The following PANK4 variants were observed in gnomAD, a reference collection of about 807,000 sequenced individuals.
The protein encoded by PANK4 is 4'-phosphopantetheine phosphatase.
In PANK4, 40 loss-of-function variants were observed where a neutral mutation model predicts 87.9. The ratio of observed to expected loss-of-function variants is 0.46; its 90% CI spans 0.35 to 0.59. The LOEUF is 0.59. Among genes scored for constraint, PANK4 ranks in the 20% least tolerant of loss-of-function variants. The pLI is 0.00. For synonymous variants in PANK4, 524 were observed against 467.4 expected (o/e 1.12, Z -1.56); for missense variants, 926 against 1,072.3 (o/e 0.86, Z 1.90).
intron 1 of PANK4, among the ~76,000 whole-genome samples, chr1:2,524,077 C>T (rs1312980454): frequency 1.3e-5 from 2 of 152,256 alleles, no homozygotes; most frequent in African/African-American, 2.4e-5. Flanking sequence ...ACACCACCGC[C>T]CCGTGGCCCC....
At position 2,520,584 on chromosome 1, in the gene PANK4, T is replaced by C; in HGVS notation, c.606+139A>G. Reference sequence around the variant, plus strand: ...GCGCTGATGCCCCTCCCACAGAGGCTCTGAGCTCACAGCCTCGCCACCCCC... The same window carrying C: ...GCGCTGATGCCCCTCCCACAGAGGCCCTGAGCTCACAGCCTCGCCACCCCC... On this transcript the variant is annotated intron_variant, in intron 4 of 18. Transcript: ENST00000378466. The surrounding 1 kb of genome is among the most constrained non-coding windows in gnomAD (Gnocchi z 6.2). 1 of 1,006,094 alleles carries C rather than the reference T, an allele frequency of 9.9e-7. No individual in the cohort carries two copies. The highest frequency in any genetic ancestry group is 1.5e-6 in the Non-Finnish European group (1 of 671,448). The allele number at this position is 1,006,094 out of a possible 1,614,324, so 62.3% of individuals were successfully genotyped here.
At position 2,526,458 on chromosome 1, in the gene PANK4, G is replaced by T. The variant is rs750554352; in HGVS notation, c.124+6C>A. Reference sequence around the variant, plus strand: ...AGCCCGCGCCCGGCGCCCGGCCTGCGGCTACCTATGTCGATGGCGAAGCGC... The same window carrying T: ...AGCCCGCGCCCGGCGCCCGGCCTGCTGCTACCTATGTCGATGGCGAAGCGC... On this transcript the variant is annotated splice_donor_region_variant and intron_variant, in intron 1 of 18. Transcript: ENST00000378466. 1.1e-5 allele frequency: 16 copies of T among 1,476,678 alleles called. No individual in the cohort carries two copies. Among genetic ancestry groups the T allele is most frequent in the Non-Finnish European group, 1.4e-5 (16 of 1,105,542 alleles). The allele number at this position is 1,476,678 out of a possible 1,614,324, so 91.5% of individuals were successfully genotyped here.
At chr1:2,514,568 G>A (rs1299258820) in intron 10 of PANK4, 102 bp from the exon 11 acceptor site, 2 of 685,258 alleles carry the variant, frequency 2.9e-6, no homozygotes, top group African/African-American at 3.8e-5. Context: ...GGTCGGCCGT[G>A]GGGGACTGTC....
At position 2,520,309 on chromosome 1, in the gene PANK4, A is replaced by G. The variant is rs1643864048; in HGVS notation, c.699+13T>C. 1 of 1,610,950 alleles carries G rather than the reference A, an allele frequency of 6.2e-7. No individual in the cohort carries two copies. The highest frequency in any genetic ancestry group is 8.5e-7 in the Non-Finnish European group (1 of 1,178,196). ...CGCAGACCCCTGGAAGGTCTCTGGC[A>G]GCTGCCGCATACCTTCGTTTTGGTG... On this transcript the variant is annotated intron_variant, in intron 5 of 18. Transcript: ENST00000378466. This position sits in a 1 kb window ranked among gnomAD's most constrained non-coding sequence, Gnocchi z 6.2.
intron 12 of PANK4, 149 bp downstream of exon 12, chr1:2,513,850 TGTG>T: frequency 1.4e-6 from 1 of 718,418 alleles, no homozygotes; most frequent in Non-Finnish European, 2.6e-6. Flanking sequence ...CCCTGGCTAT[TGTG>T]GTGCCAGGGC....
At position 2,513,979 on chromosome 1, in the gene PANK4, A is replaced by C. The variant is rs1643711890; in HGVS notation, c.1575+23T>G. 20 of 1,558,924 alleles carry C rather than the reference A, an allele frequency of 1.3e-5. No individual in the cohort carries two copies. The East Asian group carries it at 4.5e-4, about 35-fold the overall frequency. On this transcript the variant is annotated intron_variant, in intron 12 of 18. Transcript: ENST00000378466. ...CGGGACGGGGACAAGAGCGAGCGGAAGGCCAGGGCACACTGCACTTACTTT... is the reference window on the plus strand; with the variant it reads ...CGGGACGGGGACAAGAGCGAGCGGACGGCCAGGGCACACTGCACTTACTTT...
intron 7 of PANK4, 69 bp from the exon 8 acceptor site, chr1:2,518,666 C>G: frequency 7.6e-7 from 1 of 1,323,524 alleles, no homozygotes; most frequent in Non-Finnish European, 1.1e-6. Flanking sequence ...CAAACCAGCT[C>G]AACGTGCGCG....
Position 2,510,408 on chromosome 1 carries a change from G to T in PANK4, c.1939-251C>A. 1 of 598,882 alleles carries T rather than the reference G, an allele frequency of 1.7e-6. No individual in the cohort carries two copies. The highest frequency in any genetic ancestry group is 3.0e-6 in the Non-Finnish European group (1 of 336,282). 37.1% of individuals were successfully genotyped at this position (598,882 alleles called of 1,614,324 possible). ...GGACCTGCCTGTCTGTGAAGTCACA[G>T]CCCCAAAGCCTCCTTGCTGTGAGCA... On this transcript the variant is annotated intron_variant, in intron 16 of 18. Coordinates refer to ENST00000378466, the MANE Select transcript of PANK4 (RefSeq NM_018216.4). The surrounding 1 kb of genome is among the most constrained non-coding windows in gnomAD (Gnocchi z 4.9).
At position 2,515,648 on chromosome 1, in the gene PANK4, A is replaced by G; in HGVS notation, c.1288T>C (p.Ser430Pro). 6.2e-7 allele frequency: 1 copy of G among 1,613,180 alleles called. No homozygotes were observed. The highest frequency in any genetic ancestry group is 8.5e-7 in the Non-Finnish European group (1 of 1,179,926). The change falls in exon 10 of 19, where the codon TCC becomes CCC. Residue 430 changes from serine to proline, a missense_variant. Physicochemically the swap from Ser to Pro is moderately conservative, Grantham distance 74 (BLOSUM62 -1). Coordinates refer to ENST00000378466, the MANE Select transcript of PANK4 (RefSeq NM_018216.4). This position sits in a 1 kb window ranked among gnomAD's most constrained non-coding sequence, Gnocchi z 5.0. ...VDLPLLLDPP[S>P]YVPDTVDLTD... is the part of the protein sequence containing the mutation. ...AGGTCCACCGTGTCGGGCACGTAGG[A>G]GGGCGGGTCCAGGAGGAGCGGCAGG...
chr1:2,519,780 G>C lies in PANK4; in HGVS notation c.853+21C>G. 1 of 1,556,540 alleles carries C rather than the reference G, an allele frequency of 6.4e-7. No individual in the cohort carries two copies. The highest frequency in any genetic ancestry group is 8.7e-7 in the Non-Finnish European group (1 of 1,151,592). On this transcript the variant is annotated intron_variant, in intron 6 of 18. Coordinates refer to ENST00000378466, the MANE Select transcript of PANK4 (RefSeq NM_018216.4). This position sits in a 1 kb window ranked among gnomAD's most constrained non-coding sequence, Gnocchi z 8.3. ...TGTCCCCACCATCCTGCTCTCTGGCGGCAGAGGCCGGGGTGAGCACCTTGG... is the reference window on the plus strand; with the variant it reads ...TGTCCCCACCATCCTGCTCTCTGGCCGCAGAGGCCGGGGTGAGCACCTTGG...
Position 2,519,546 on chromosome 1 carries a change from T to C in PANK4, c.854-222A>G, listed in dbSNP as rs1643848328. Among the ~76,000 whole-genome samples the C allele has an allele frequency of 6.6e-6, 1 of 152,164 alleles. No individual in the cohort carries two copies. The highest frequency in any genetic ancestry group is 1.5e-5 in the Non-Finnish European group (1 of 68,030). ...ATTCCTGGACGGATTAAGCTTTGTT[T>C]TGAAGGAGGAAAAAACCCAATCAGG... On this transcript the variant is annotated intron_variant, in intron 6 of 18. Transcript: ENST00000378466. The surrounding 1 kb of genome is among the most constrained non-coding windows in gnomAD (Gnocchi z 8.3).
In PANK4 at chr1:2,515,161, G is replaced by C; in HGVS notation, c.1374+401C>G. On this transcript the variant is annotated intron_variant, in intron 10 of 18. Coordinates refer to ENST00000378466, the MANE Select transcript of PANK4 (RefSeq NM_018216.4). This position sits in a 1 kb window ranked among gnomAD's most constrained non-coding sequence, Gnocchi z 5.0. ...CAGCCTTGGAGAAGGTGGGACGCAG[G>C]AGTCCCAAGGTGGCCTCGCCGGGAG... The C allele has an allele frequency of 2.6e-6, 1 of 386,470 alleles. No individual in the cohort carries two copies. The highest frequency in any genetic ancestry group is 5.1e-6 in the Non-Finnish European group (1 of 194,734). 23.9% of individuals were successfully genotyped at this position (386,470 alleles called of 1,614,324 possible).
In PANK4 at chr1:2,520,397, C is replaced by A; in HGVS notation, c.624G>T (p.Arg208Ser). ...TGGAGCTGCCGCCGACCCACTCGAA[C>A]CTGTCCTCCGTCTCCACCTGCAACA... The part of the protein sequence containing the change: ...VSIVKVETED[R>S]FEWVGGSSIG... The change falls in exon 5 of 19, where the codon AGG becomes AGT. Residue 208 changes from arginine to serine, a missense_variant. Arg to Ser is a moderately radical substitution (Grantham distance 110). Transcript: ENST00000378466. This position sits in a 1 kb window ranked among gnomAD's most constrained non-coding sequence, Gnocchi z 6.2. The A allele has an allele frequency of 6.2e-7, 1 of 1,612,896 alleles. No homozygotes were observed.
intron 1 of PANK4, among the ~76,000 whole-genome samples, chr1:2,522,594 C>T (rs1370339900): frequency 1.3e-5 from 2 of 151,442 alleles, no homozygotes; most frequent in Non-Finnish European, 1.5e-5. Flanking sequence ...AAAAAAAAAA[C>T]AGACATTGTT....
rs1643646792 is a variant in PANK4, at chr1:2,510,743, T to C, written c.1873A>G (p.Ser625Gly). 6 of 1,612,602 alleles carry C rather than the reference T, an allele frequency of 3.7e-6. No homozygotes were observed. The highest frequency in any genetic ancestry group is 5.1e-6 in the Non-Finnish European group (6 of 1,179,218). ...ACTCCCAAAATGATGTCTATTCCACTGTTATCTGCGAAAATTAAGGCACAT... is the reference window on the plus strand; with the variant it reads ...ACTCCCAAAATGATGTCTATTCCACCGTTATCTGCGAAAATTAAGGCACAT... ...HKCALIFADN[S>G]GIDIILGVFP... The change falls in exon 16 of 19, where the codon AGT becomes GGT. Residue 625 changes from serine to glycine, a missense_variant. Transcript: ENST00000378466. This position sits in a 1 kb window ranked among gnomAD's most constrained non-coding sequence, Gnocchi z 4.9.
chr1:2,509,083 G>C lies in PANK4; in HGVS notation c.2109-23C>G. 1 of 1,570,994 alleles carries C rather than the reference G, an allele frequency of 6.4e-7. No individual in the cohort carries two copies. Among genetic ancestry groups the C allele is most frequent in the Non-Finnish European group, 8.6e-7 (1 of 1,164,088 alleles). ...CGGCTTTGGGGAGGAAGAGGACGGT[G>C]AGACTGGGCAAGCAGACCCCAGACC... On this transcript the variant is annotated intron_variant, in intron 18 of 18. Coordinates refer to ENST00000378466, the MANE Select transcript of PANK4 (RefSeq NM_018216.4). The surrounding 1 kb of genome is among the most constrained non-coding windows in gnomAD (Gnocchi z 4.9).
At position 2,521,698 on chromosome 1, in the gene PANK4, T is replaced by A; in HGVS notation, c.207+20A>T. On this transcript the variant is annotated intron_variant, in intron 2 of 18. Coordinates refer to ENST00000378466, the MANE Select transcript of PANK4 (RefSeq NM_018216.4). ...AGAGAAGCGGCTGCCCTGCCCCGGG[T>A]GGCCACAGTGCAGGCTCACCTTTCC... The A allele has an allele frequency of 6.3e-7, 1 of 1,596,500 alleles. No individual in the cohort carries two copies. The highest frequency in any genetic ancestry group is 8.6e-7 in the Non-Finnish European group (1 of 1,164,474).
chr1:2,524,054 G>A (rs557234923), intron 1 of PANK4, among the ~76,000 whole-genome samples: 1 of 152,282 alleles, frequency 6.6e-6, no homozygotes, highest in African/African-American at 2.4e-5. Context: ...TGGAGGGCAG[G>A]ACAGCCAAGC....
Position 2,524,542 on chromosome 1 carries a change from T to C in PANK4, c.124+1922A>G, listed in dbSNP as rs373821173. Among the ~76,000 whole-genome samples, 16 of 152,242 alleles carry C rather than the reference T, an allele frequency of 1.1e-4. No individual in the cohort carries two copies. The East Asian group carries it at 2.1e-3, about 20-fold the overall frequency. ...AAATACCAGCACTAAACAGACCTCT[T>C]AGAGTATCCTTCTACCAAGAAACCC... On this transcript the variant is annotated intron_variant, in intron 1 of 18. Coordinates refer to ENST00000378466, the MANE Select transcript of PANK4 (RefSeq NM_018216.4).
Sources: gnomAD v4.1 joint callset for allele counts (sites outside exome capture counted in the v4.1 genomes callset) on GRCh38, gnomAD v4.1.1 for gene constraint, Gnocchi (gnomAD v3.1) non-coding constraint, MANE v1.5 for transcripts, NCBI Gene and HGNC (gene_info 2026-07-23, HGNC 2026-07-21) for gene names.